RAB1A: variants seen among roughly 807,000 people sequenced by gnomAD.
The protein encoded by RAB1A is ras-related protein Rab-1A.
Under a neutral mutation model 26.0 loss-of-function variants are expected in RAB1A, and 2 were observed. That is an observed-to-expected ratio of 0.08 (90% CI 0.03 to 0.24). The LOEUF (loss-of-function observed/expected upper bound fraction) is 0.24. RAB1A is among the 10% of genes least tolerant of loss of function. RAB1A has a pLI of 1.00. For synonymous variants in RAB1A, 84 were observed against 84.9 expected (o/e 0.99, Z 0.06); for missense variants, 100 against 247.0 (o/e 0.40, Z 3.99).
chr2:65,120,216 G>A (rs1157882382), intron 1 of RAB1A, among the ~76,000 whole-genome samples: 2 of 152,028 alleles, frequency 1.3e-5, no homozygotes, highest in East Asian at 3.9e-4. Context: ...CCAGCACTTT[G>A]GGAGGCCGAG....
chr2:65,096,956 A>C (rs775567857), intron 3 of RAB1A, among the ~76,000 whole-genome samples: 11 of 152,206 alleles, frequency 7.2e-5, no homozygotes, highest in Non-Finnish European at 1.3e-4. Context: ...TAAATTAGTA[A>C]ATCAGGTGTC....
chr2:65,114,717 C>T (rs1486957301), intron 1 of RAB1A, among the ~76,000 whole-genome samples: 3 of 151,994 alleles, frequency 2.0e-5, no homozygotes, highest in Non-Finnish European at 4.4e-5. Flanking sequence ...CGGTGGCGGG[C>T]GCCTGTAGTC....
intron 1 of RAB1A, among the ~76,000 whole-genome samples, chr2:65,129,121 CAA>C (rs1670173289): frequency 6.7e-6 from 1 of 148,858 alleles, no homozygotes; most frequent in South Asian, 2.1e-4. Context: ...CTGCGAGTAT[CAA>C]AAAGACATTT....
chr2:65,098,532 A>AT (rs34637428), intron 2 of RAB1A, among the ~76,000 whole-genome samples: 16 of 150,962 alleles, frequency 1.1e-4, no homozygotes, highest in South Asian at 1.0e-3. Flanking sequence ...CCTAATTATG[A>AT]TTTTTTTTTT....
chr2:65,093,401 C>A (rs775173394), intron 3 of RAB1A, among the ~76,000 whole-genome samples: 1 of 152,084 alleles, frequency 6.6e-6, no homozygotes, highest in Non-Finnish European at 1.5e-5. Flanking sequence ...CCATGGTGTA[C>A]AACTGGACTC....
chr2:65,100,390 G>GT (rs1558579007), intron 2 of RAB1A, among the ~76,000 whole-genome samples: 1 of 119,936 alleles, frequency 8.3e-6, no homozygotes, highest in Non-Finnish European at 1.6e-5. Flanking sequence ...GACAAGGCAT[G>GT]TCTCTGTCTC....
intron 1 of RAB1A, among the ~76,000 whole-genome samples, chr2:65,125,924 T>A (rs1670089827): frequency 7.6e-6 from 1 of 131,118 alleles, no homozygotes; most frequent in South Asian, 2.5e-4. Context: ...CAGGCTGGAG[T>A]GCAATGGTGT....
intron 3 of RAB1A, among the ~76,000 whole-genome samples, chr2:65,095,175 TAG>T (rs759861778): frequency 2.6e-5 from 4 of 152,050 alleles, no homozygotes; most frequent in Non-Finnish European, 4.4e-5. Flanking sequence ...AACTGGCAAC[TAG>T]AGGTTTTGTG....
Position 65,116,216 on chromosome 2 carries a change from A to G in RAB1A, c.24-11410T>C, listed in dbSNP as rs547894172. Among the ~76,000 whole-genome samples the G allele has an allele frequency of 2.0e-5, 3 of 152,316 alleles. No individual in the cohort carries two copies. The South Asian group carries it at 6.2e-4, about 32-fold the overall frequency. On this transcript the variant is annotated intron_variant, in intron 1 of 5. Coordinates refer to ENST00000409784, the MANE Select transcript of RAB1A (RefSeq NM_004161.5). ...AAATTCAAAGCTGAAATGCTGAAAG[A>G]AATTTGGGTAGTACCAAAGGAAGCA...
intron 2 of RAB1A, among the ~76,000 whole-genome samples, chr2:65,101,790 C>T (rs1318405935): frequency 1.6e-5 from 2 of 121,626 alleles, no homozygotes; most frequent in Non-Finnish European, 3.2e-5. Context: ...GCTCTTGTTG[C>T]CCAGGCTGGA....
intron 2 of RAB1A, among the ~76,000 whole-genome samples, chr2:65,101,844 G>A (rs775266299): frequency 1.3e-5 from 2 of 149,898 alleles, no homozygotes; most frequent in Non-Finnish European, 3.0e-5. Flanking sequence ...CCGCCTCCTG[G>A]GTTCAAGCAA....
chr2:65,118,748 G>A (rs1008077950), intron 1 of RAB1A, among the ~76,000 whole-genome samples: 2 of 152,226 alleles, frequency 1.3e-5, no homozygotes, highest in Admixed American at 1.3e-4. Flanking sequence ...AAAGTGCTAG[G>A]ACTACAGGCG....
chr2:65,095,516 CT>C (rs35819441), intron 3 of RAB1A, among the ~76,000 whole-genome samples: 9,482 of 125,848 alleles, frequency 0.075, 394 homozygotes, highest in East Asian at 0.23. Context: ...CACCTGGTTA[CT>C]TTTTTTTTTT....
intron 3 of RAB1A, among the ~76,000 whole-genome samples, chr2:65,092,864 T>TC (rs1669203840): frequency 6.6e-6 from 1 of 152,102 alleles, no homozygotes; most frequent in African/African-American, 2.4e-5. Context: ...GACGACGGTT[T>TC]CCCCCATTCA....
chr2:65,124,810 A>AAT (rs1231388247), intron 1 of RAB1A, among the ~76,000 whole-genome samples: 7 of 152,122 alleles, frequency 4.6e-5, no homozygotes, highest in East Asian at 1.9e-4. Flanking sequence ...CAAAATTCTC[A>AAT]ATATATATAT....
At chr2:65,097,876 T>G in intron 3 of RAB1A, 95 bp downstream of exon 3, 1 of 622,234 alleles carries the variant, frequency 1.6e-6, no homozygotes, top group Non-Finnish European at 2.7e-6. Context: ...CATTTTACAT[T>G]CAATTTTGTT....
Position 65,089,187 on chromosome 2 carries a change from C to G in RAB1A, c.289-117G>C, listed in dbSNP as rs12613580. 5.0e-6 allele frequency: 5 copies of G among 993,082 alleles called. No homozygotes were observed. The East Asian group carries it at 1.3e-4, about 26-fold the overall frequency. 61.5% of individuals were successfully genotyped at this position (993,082 alleles called of 1,614,324 possible). On this transcript the variant is annotated intron_variant, in intron 4 of 5. Coordinates refer to ENST00000409784, the MANE Select transcript of RAB1A (RefSeq NM_004161.5). Reference sequence around the variant, plus strand: ...CAAAGAGCTAGTGAGACAACTCTAGCTACAAAATAACCACTGCTAAGGAGT... The same window carrying G: ...CAAAGAGCTAGTGAGACAACTCTAGGTACAAAATAACCACTGCTAAGGAGT...
chr2:65,092,153 G>T (rs140799452), intron 3 of RAB1A, among the ~76,000 whole-genome samples: 51 of 152,124 alleles, frequency 3.4e-4, no homozygotes, highest in African/African-American at 1.1e-3. Context: ...TGCGCCTGTG[G>T]TCCCAGCTAC....
chr2:65,088,317 T>C lies in RAB1A; in HGVS notation c.*176A>G, dbSNP rs1669084535. ...GTTCTGAAAATGAAGTTAGCTGTCT[T>C]GAGTCAAGGGAATAAAAAAAAAGTC... On this transcript the variant is annotated 3_prime_UTR_variant, in exon 6 of 6. Transcript: ENST00000409784. 3.7e-6 allele frequency: 2 copies of C among 544,404 alleles called. No homozygotes were observed. The highest frequency in any genetic ancestry group is 6.1e-5 in the East Asian group (2 of 32,614). 33.7% of individuals were successfully genotyped at this position (544,404 alleles called of 1,614,324 possible).
Sources: gnomAD v4.1 joint callset for allele counts (sites outside exome capture counted in the v4.1 genomes callset) on GRCh38, gnomAD v4.1.1 for gene constraint, MANE v1.5 for transcripts, NCBI Gene and HGNC (gene_info 2026-07-23, HGNC 2026-07-21) for gene names.